The following CAB39L variants were observed in gnomAD, a reference collection of about 807,000 sequenced individuals.
CAB39L encodes the protein calcium-binding protein 39-like.
Under a neutral mutation model 39.1 loss-of-function variants are expected in CAB39L, and 23 were observed. The observed-to-expected ratio is 0.59, with a 90% CI of 0.42 to 0.83. The LOEUF (loss-of-function observed/expected upper bound fraction) is 0.83. CAB39L is among the 40% of genes least tolerant of loss of function. The pLI, the probability that CAB39L is intolerant of heterozygous loss-of-function variation, is 0.00. For missense variants in CAB39L, 366 were observed against 391.9 expected (o/e 0.93, Z 0.56); for synonymous variants, 126 against 137.2 (o/e 0.92, Z 0.57).
rs567806266 is a variant in CAB39L, at chr13:49,338,736, A to G, written c.690+941T>C. Among the ~76,000 whole-genome samples the G allele has an allele frequency of 7.9e-5, 12 of 152,328 alleles. No homozygotes were observed. In the South Asian group the frequency reaches 8.3e-4, roughly 11 times the overall value. The stretch of plus-strand genomic sequence containing the variant: ...GTCTTCTGACATATCTGTTTGTTAG[A>G]GGTGATTTTTAAAAAACATTTCTCT... On this transcript the variant is annotated intron_variant, in intron 9 of 10. Coordinates refer to ENST00000409308, the MANE Select transcript of CAB39L (RefSeq NM_001079670.3).
At chr13:49,341,652 G>T (rs1400313840) in intron 8 of CAB39L, among the ~76,000 whole-genome samples, 1 of 152,124 alleles carries the variant, frequency 6.6e-6, no homozygotes, top group African/African-American at 2.4e-5. Context: ...GAAGAAATAA[G>T]TTCTAGTATT....
intron 3 of CAB39L, among the ~76,000 whole-genome samples, chr13:49,383,941 T>A (rs1956300882): frequency 6.6e-6 from 1 of 152,236 alleles, no homozygotes; most frequent in South Asian, 2.1e-4. Flanking sequence ...GCATTAATGT[T>A]GATGGCTGCT....
rs1226440015 is a variant in CAB39L, at chr13:49,434,201, C to T, written c.-223G>A. Reference sequence around the variant, plus strand: ...GAACACTTTGCTCCTGATATTCTTTCTTCTCAATATTTGATGGATATCCTG... The same window carrying T: ...GAACACTTTGCTCCTGATATTCTTTTTTCTCAATATTTGATGGATATCCTG... On this transcript the variant is annotated 5_prime_UTR_variant, in exon 2 of 11. Transcript: ENST00000409308. 1 of 455,006 alleles carries T rather than the reference C, an allele frequency of 2.2e-6. No homozygotes were observed. The highest frequency in any genetic ancestry group is 4.4e-6 in the Non-Finnish European group (1 of 226,546). 28.2% of individuals were successfully genotyped at this position (455,006 alleles called of 1,614,324 possible). A position where few individuals can be genotyped will look rare whatever the true frequency, so the allele number is the denominator to read the frequency against.
chr13:49,349,057 T>A (rs1386103215), intron 7 of CAB39L, among the ~76,000 whole-genome samples: 1 of 152,210 alleles, frequency 6.6e-6, no homozygotes, highest in African/African-American at 2.4e-5. Flanking sequence ...TCAACAGATT[T>A]ATGGCACCTT....
intron 10 of CAB39L, among the ~76,000 whole-genome samples, chr13:49,331,357 T>G (rs1396405249): frequency 1.3e-5 from 2 of 151,858 alleles, no homozygotes; most frequent in Non-Finnish European, 2.9e-5. Flanking sequence ...TCCCAGCTAC[T>G]CAGGAGGTTG....
At chr13:49,415,756 T>C (rs1416509247) in intron 3 of CAB39L, among the ~76,000 whole-genome samples, 1 of 152,164 alleles carries the variant, frequency 6.6e-6, no homozygotes. Context: ...TTGGTGTGTT[T>C]TGCTCACTGC....
chr13:49,319,425 G>A (rs1246189101), intron 10 of CAB39L, among the ~76,000 whole-genome samples: 2 of 151,992 alleles, frequency 1.3e-5, no homozygotes, highest in African/African-American at 4.8e-5. Flanking sequence ...ACTAATGATC[G>A]CCAGGGGATG....
intron 3 of CAB39L, among the ~76,000 whole-genome samples, chr13:49,428,619 G>T (rs1040266974): frequency 2.0e-5 from 3 of 152,086 alleles, no homozygotes; most frequent in Non-Finnish European, 4.4e-5. Context: ...AAAGAAACAG[G>T]GAGGGAAAGG....
At chr13:49,396,876 T>C (rs1376020884) in intron 3 of CAB39L, among the ~76,000 whole-genome samples, 1 of 152,286 alleles carries the variant, frequency 6.6e-6, no homozygotes, top group African/African-American at 2.4e-5. Context: ...CATGAGTACA[T>C]ACATATGTCA....
At chr13:49,328,631 G>C (rs905113576) in intron 10 of CAB39L, among the ~76,000 whole-genome samples, 7 of 152,102 alleles carry the variant, frequency 4.6e-5, no homozygotes, top group Non-Finnish European at 1.0e-4. Context: ...AGGAGTTTGA[G>C]ACCAGCCTAG....
At chr13:49,438,348 C>T (rs1957450761) in intron 1 of CAB39L, among the ~76,000 whole-genome samples, 1 of 152,042 alleles carries the variant, frequency 6.6e-6, no homozygotes, top group Non-Finnish European at 1.5e-5. Context: ...ACTATTCTAT[C>T]ATCATTATCC....
chr13:49,323,486 TC>T (rs1954412372), intron 10 of CAB39L, among the ~76,000 whole-genome samples: 1 of 152,204 alleles, frequency 6.6e-6, no homozygotes, highest in Non-Finnish European at 1.5e-5. Flanking sequence ...TTCAGCTCCA[TC>T]GGAAGGTCTG....
In CAB39L at chr13:49,407,643, A is replaced by T. The variant is rs55694823; in HGVS notation, c.-31-24702T>A. Among the ~76,000 whole-genome samples, 1,045 of 152,154 alleles carry T rather than the reference A, an allele frequency of 6.9e-3. 12 individuals carry two copies. Among genetic ancestry groups the T allele is most frequent in the African/African-American group, 0.023 (949 of 41,528 alleles). ...AATTTAGTGCTATATTTTGAATTAA[A>T]TAATATTAATTTTACTTTATTGGTT... On this transcript the variant is annotated intron_variant, in intron 3 of 10. Transcript: ENST00000409308.
chr13:49,412,699 G>A (rs1280398835), intron 3 of CAB39L, among the ~76,000 whole-genome samples: 3 of 152,062 alleles, frequency 2.0e-5, no homozygotes, highest in Non-Finnish European at 2.9e-5. Flanking sequence ...ATTCTTCCAC[G>A]GACCTGGAGG....
At chr13:49,407,274 G>A (rs942145798) in intron 3 of CAB39L, among the ~76,000 whole-genome samples, 1 of 152,112 alleles carries the variant, frequency 6.6e-6, no homozygotes, top group Admixed American at 6.6e-5. Context: ...TGGTAGCTTT[G>A]GTAGCTTAAC....
chr13:49,369,424 T>C (rs1955855054), intron 5 of CAB39L, among the ~76,000 whole-genome samples: 1 of 152,204 alleles, frequency 6.6e-6, no homozygotes, highest in Non-Finnish European at 1.5e-5. Flanking sequence ...CATGGATGAA[T>C]CTCAAATGCG....
intron 3 of CAB39L, among the ~76,000 whole-genome samples, chr13:49,394,234 CAT>C (rs1230291254): frequency 1.3e-5 from 2 of 151,840 alleles, no homozygotes; most frequent in East Asian, 3.8e-4. Context: ...ATTAAGGAAA[CAT>C]ACAGATAAGT....
intron 7 of CAB39L, among the ~76,000 whole-genome samples, chr13:49,349,547 T>C (rs1955279519): frequency 6.6e-6 from 1 of 151,392 alleles, no homozygotes; most frequent in African/African-American, 2.4e-5. Flanking sequence ...TGTTACATTG[T>C]CAGTCTATAG....
intron 5 of CAB39L, among the ~76,000 whole-genome samples, chr13:49,361,577 GAA>G (rs371928942): frequency 0.23 from 34,420 of 148,844 alleles, 4,217 homozygotes; most frequent in Middle Eastern, 0.29. Flanking sequence ...AAGAAAGAAA[GAA>G]AGAAAGAGAG....
Sources: gnomAD v4.1 joint callset for allele counts (sites outside exome capture counted in the v4.1 genomes callset) on GRCh38, gnomAD v4.1.1 for gene constraint, MANE v1.5 for transcripts, NCBI Gene and HGNC (gene_info 2026-07-23, HGNC 2026-07-21) for gene names.